Variants in SAE1 observed in about 807,000 individuals in gnomAD.
The protein encoded by SAE1 is SUMO-activating enzyme subunit 1.
Under a neutral mutation model 40.6 loss-of-function variants are expected in SAE1, and 11 were observed. The ratio of observed to expected loss-of-function variants is 0.27; its 90% confidence interval spans 0.17 to 0.45. The LOEUF is 0.45. Among genes scored for constraint, SAE1 ranks in the 20% least tolerant of loss-of-function variants. The probability of loss-of-function intolerance (pLI) is 1.00; values close to 1 mark genes in which losing one functional copy is unlikely to be tolerated. For missense variants in SAE1, 373 were observed against 427.3 expected (o/e 0.87, Z 1.12); for synonymous variants, 155 against 154.3 (o/e 1.00, Z -0.03).
chr19:47,146,142 T>C (rs2123198891), intron 2 of SAE1, among the ~76,000 whole-genome samples: 1 of 151,976 alleles, frequency 6.6e-6, no homozygotes, highest in African/African-American at 2.4e-5. Flanking sequence ...TAAAAGTAGT[T>C]TGGTGTTTTT....
intron 7 of SAE1, among the ~76,000 whole-genome samples, chr19:47,201,597 C>T (rs2123320596): frequency 6.6e-6 from 1 of 151,602 alleles, no homozygotes; most frequent in African/African-American, 2.4e-5. Flanking sequence ...AACTATTCCT[C>T]CAATACGGCC....
At chr19:47,176,531 A>G (rs565510162) in intron 6 of SAE1, among the ~76,000 whole-genome samples, 2 of 152,298 alleles carry the variant, frequency 1.3e-5, no homozygotes, top group South Asian at 4.1e-4. Flanking sequence ...GCCCTATTGT[A>G]GAGGGAGAGT....
chr19:47,168,690 C>G (rs1029609062), intron 5 of SAE1, among the ~76,000 whole-genome samples: 4 of 151,988 alleles, frequency 2.6e-5, no homozygotes, highest in Non-Finnish European at 4.4e-5. Context: ...GCAACCTCCC[C>G]CCTCCTAGGT....
intron 7 of SAE1, among the ~76,000 whole-genome samples, chr19:47,202,854 A>G (rs1261547037): frequency 9.9e-5 from 15 of 152,110 alleles, no homozygotes; most frequent in African/African-American, 3.1e-4. Context: ...AGCTTGCAGT[A>G]AGCCAAGATC....
intron 5 of SAE1, among the ~76,000 whole-genome samples, chr19:47,156,252 C>A (rs1201297840): frequency 6.6e-6 from 1 of 150,802 alleles, no homozygotes; most frequent in Non-Finnish European, 1.5e-5. Flanking sequence ...ACCTGGGCCA[C>A]CTAGCAAGAT....
intron 6 of SAE1, among the ~76,000 whole-genome samples, chr19:47,192,611 C>T (rs555604045): frequency 6.6e-5 from 10 of 152,120 alleles, no homozygotes; most frequent in South Asian, 4.1e-4. Context: ...GGTGTGATTT[C>T]GGCTCACCGC....
At chr19:47,168,690 C>T (rs1029609062) in intron 5 of SAE1, among the ~76,000 whole-genome samples, 3 of 152,106 alleles carry the variant, frequency 2.0e-5, no homozygotes, top group South Asian at 4.2e-4. Flanking sequence ...GCAACCTCCC[C>T]CCTCCTAGGT....
chr19:47,209,060 A>G, intron 8 of SAE1, 99 bp from the exon 9 acceptor site: 16 of 1,173,558 alleles, frequency 1.4e-5, no homozygotes, highest in South Asian at 4.6e-5. Context: ...AATCGACCCC[A>G]GTTAAGAACC....
intron 5 of SAE1, among the ~76,000 whole-genome samples, chr19:47,166,203 C>T (rs1267279391): frequency 6.6e-6 from 1 of 152,094 alleles, no homozygotes; most frequent in African/African-American, 2.4e-5. Context: ...AAAGGATGAG[C>T]TGGGTAGCTA....
intron 6 of SAE1, among the ~76,000 whole-genome samples, chr19:47,196,365 T>TTTTTTTTTC (rs2058615771): frequency 1.1e-5 from 1 of 93,034 alleles, no homozygotes; most frequent in Non-Finnish European, 2.1e-5. Flanking sequence ...TTTTTTTTTT[T>TTTTTTTTTC]TTAATTTTAC....
In SAE1 at chr19:47,130,936, G is replaced by A. The variant is rs1455763982; in HGVS notation, c.6G>A (p.Val2=). The change falls in exon 1 of 9, where the codon GTG becomes GTA. Residue 2 remains valine (V), a synonymous_variant. Coordinates refer to ENST00000270225, the MANE Select transcript of SAE1 (RefSeq NM_005500.3). ...AGGCAGGAAGAGCCGGCGCCATGGT[G>A]GAGAAGGAGGAGGCTGGCGGCGGCA... M[V]EKEEAGGGIS... is the part of the protein sequence containing the mutation. 4 of 1,550,034 alleles carry A rather than the reference G, an allele frequency of 2.6e-6. No individual in the cohort carries two copies. The highest frequency in any genetic ancestry group is 3.5e-6 in the Non-Finnish European group (4 of 1,146,618).
At chr19:47,172,019 A>G (rs1490264284) in intron 6 of SAE1, among the ~76,000 whole-genome samples, 1 of 152,048 alleles carries the variant, frequency 6.6e-6, no homozygotes, top group Non-Finnish European at 1.5e-5. Context: ...TCCCGGTTCA[A>G]ACAGTTTCCC....
intron 6 of SAE1, among the ~76,000 whole-genome samples, chr19:47,193,079 A>G (rs10423223): frequency 0.28 from 38,709 of 140,252 alleles, 5,301 homozygotes; most frequent in South Asian, 0.43. Flanking sequence ...TTTTTTGGAG[A>G]CAGAGTCTTG....
At position 47,197,307 on chromosome 19, in the gene SAE1, C is replaced by A; in HGVS notation, c.808C>A (p.Leu270Ile). The A allele has an allele frequency of 1.2e-6, 2 of 1,613,962 alleles. No individual in the cohort carries two copies. The highest frequency in any genetic ancestry group is 1.6e-4 in the Middle Eastern group (1 of 6,062). The change falls in exon 7 of 9, where the codon CTC becomes ATC. Residue 270 changes from leucine (L) to isoleucine (I), a missense_variant. This residue lies in a region of SAE1 where 351 missense variants were observed against 390.6 expected (regional missense o/e 0.90). Coordinates refer to ENST00000270225, the MANE Select transcript of SAE1 (RefSeq NM_005500.3). ...ATATGAGGAAGATTCTGAGTTGTTG[C>A]TCCAGATACGAAATGATGTGCTTGA... ...DTYEEDSELL[L>I]QIRNDVLDSL...
chr19:47,206,949 C>A (rs144967686), intron 8 of SAE1, among the ~76,000 whole-genome samples: 3 of 152,300 alleles, frequency 2.0e-5, no homozygotes, highest in African/African-American at 7.2e-5. Flanking sequence ...TGGACAGAGA[C>A]CTCAGAATCC....
chr19:47,150,918 A>T (rs2058283971), intron 3 of SAE1, among the ~76,000 whole-genome samples: 1 of 152,192 alleles, frequency 6.6e-6, no homozygotes, highest in Non-Finnish European at 1.5e-5. Context: ...CGTAAGTCAA[A>T]TGAGGCATAT....
rs57870733 is a variant in SAE1, at chr19:47,154,480, C to CTTTTT, written c.528-608_528-604dup. 1.5e-3 allele frequency among the ~76,000 whole-genome samples: 76 copies of CTTTTT among 51,610 alleles called. 9 individuals carry two copies. The highest frequency in any genetic ancestry group is 3.6e-3 in the African/African-American group (43 of 11,988). The allele number at this position is 51,610 out of a possible 152,430, so 33.9% of individuals were successfully genotyped here. ...AGCAGAGGGGCAGAATTAAGTTTGG[C>CTTTTT]TTTTTTTTTTTTTTTTTTTTTTTTT... On this transcript the variant is annotated intron_variant, in intron 4 of 8. Coordinates refer to ENST00000270225, the MANE Select transcript of SAE1 (RefSeq NM_005500.3).
intron 7 of SAE1, among the ~76,000 whole-genome samples, chr19:47,199,081 C>T (rs1225459145): frequency 2.7e-5 from 4 of 149,586 alleles, no homozygotes; most frequent in African/African-American, 9.9e-5. Context: ...AGAGAGAGAC[C>T]GTGTCTCAAT....
chr19:47,177,772 A>C (rs769678633), intron 6 of SAE1, among the ~76,000 whole-genome samples: 3 of 152,186 alleles, frequency 2.0e-5, no homozygotes, highest in Non-Finnish European at 4.4e-5. Flanking sequence ...GGAGTTGTGA[A>C]GTCTTGACAG....
Sources: allele counts gnomAD v4.1 joint callset (sites outside exome capture counted in the v4.1 genomes callset), GRCh38; gene constraint gnomAD v4.1.1; regional missense constraint gnomAD v4.1.1; transcripts MANE v1.5; gene names NCBI Gene and HGNC (gene_info 2026-07-23, HGNC 2026-07-21).